Variants in ADAMTSL1 observed in about 807,000 individuals in gnomAD.
ADAMTSL1 encodes ADAMTS like 1, also known as ADAMTS-like protein 1.
A neutral mutation model predicts 201.8 loss-of-function variants in ADAMTSL1; 126 were observed. The observed-to-expected ratio is 0.62, with a 90% confidence interval of 0.54 to 0.72. ADAMTSL1 has a LOEUF of 0.72. Among genes scored for constraint, ADAMTSL1 ranks in the 30% least tolerant of loss-of-function variants. ADAMTSL1 has a pLI of 0.00. For missense variants in ADAMTSL1, 2,679 were observed against 2,277.8 expected, an observed-to-expected ratio of 1.18 and a Z score of -3.59; for synonymous variants, 1,121 against 903.4, an observed-to-expected ratio of 1.24 and a Z score of -4.32.
Position 18,265,092 on chromosome 9 carries a change from G to C in ADAMTSL1, c.207+101111G>C, listed in dbSNP as rs544756450. 2.0e-5 allele frequency among the ~76,000 whole-genome samples: 3 copies of C among 152,286 alleles called. No homozygotes were observed. The South Asian group carries it at 6.2e-4, about 32-fold the overall frequency. On this transcript the variant is annotated intron_variant, in intron 2 of 29. Transcript: ENST00000680146. ...CACAGGAATAGTATTTTCTAATAATGTTTTAGTAAAAGTGCTAACAAAAGG... is the reference window on the plus strand; with the variant it reads ...CACAGGAATAGTATTTTCTAATAATCTTTTAGTAAAAGTGCTAACAAAAGG...
intron 2 of ADAMTSL1, among the ~76,000 whole-genome samples, chr9:18,322,644 C>A (rs1834671818): frequency 6.6e-6 from 1 of 151,862 alleles, no homozygotes; most frequent in African/African-American, 2.4e-5. Context: ...TCAACAACAA[C>A]AACAACAAAA....
At chr9:18,682,863 T>A (rs1422736814) in intron 12 of ADAMTSL1, among the ~76,000 whole-genome samples, 3 of 152,152 alleles carry the variant, frequency 2.0e-5, no homozygotes, top group Non-Finnish European at 4.4e-5. Context: ...ACAGAAATCC[T>A]GATTAACTTT....
intron 19 of ADAMTSL1, among the ~76,000 whole-genome samples, chr9:18,789,883 T>C (rs1214948147): frequency 6.6e-6 from 1 of 152,190 alleles, no homozygotes; most frequent in Non-Finnish European, 1.5e-5. Flanking sequence ...GCTACTGTTC[T>C]ACAAAGAAAG....
chr9:18,689,129 G>C (rs1467189009), intron 13 of ADAMTSL1, among the ~76,000 whole-genome samples: 2 of 152,012 alleles, frequency 1.3e-5, no homozygotes, highest in Non-Finnish European at 2.9e-5. Context: ...GTGGGGAATT[G>C]GAACTACAAA....
At chr9:18,580,608 T>A (rs1564065607) in intron 4 of ADAMTSL1, among the ~76,000 whole-genome samples, 1 of 152,224 alleles carries the variant, frequency 6.6e-6, no homozygotes, top group Non-Finnish European at 1.5e-5. Context: ...CTGAATCTTG[T>A]TTATGCATTC....
chr9:18,541,075 T>C (rs1052522685), intron 3 of ADAMTSL1, among the ~76,000 whole-genome samples: 2 of 152,248 alleles, frequency 1.3e-5, no homozygotes, highest in Middle Eastern at 3.2e-3. Context: ...GCTCTCATGT[T>C]AAAGTCAGAT....
At chr9:18,346,944 G>A (rs887865445) in intron 2 of ADAMTSL1, among the ~76,000 whole-genome samples, 4 of 152,144 alleles carry the variant, frequency 2.6e-5, no homozygotes, top group Non-Finnish European at 5.9e-5. Flanking sequence ...TCCAGTAGAA[G>A]CAACTCTTTG....
chr9:18,520,565 T>G (rs1818631243), intron 2 of ADAMTSL1, among the ~76,000 whole-genome samples: 1 of 152,206 alleles, frequency 6.6e-6, no homozygotes, highest in South Asian at 2.1e-4. Context: ...CAGTTTAAAA[T>G]TGCTTTGAGA....
chr9:18,151,876 C>G (rs1245563370), intron 1 of ADAMTSL1, among the ~76,000 whole-genome samples: 1 of 151,924 alleles, frequency 6.6e-6, no homozygotes, highest in Non-Finnish European at 1.5e-5. Flanking sequence ...TCCCATATCC[C>G]CTTGCCAGTC....
chr9:18,404,886 A>G (rs1159335154), intron 2 of ADAMTSL1, among the ~76,000 whole-genome samples: 4 of 152,064 alleles, frequency 2.6e-5, no homozygotes, highest in Non-Finnish European at 5.9e-5. Flanking sequence ...TCCAGGTTGT[A>G]TCTTGTTGTT....
intron 2 of ADAMTSL1, among the ~76,000 whole-genome samples, chr9:18,288,554 G>T (rs1833116491): frequency 1.3e-5 from 2 of 152,190 alleles, no homozygotes; most frequent in East Asian, 3.9e-4. Context: ...GATTCTCTAA[G>T]TTCCCTTCAT....
chr9:18,779,539 AAC>A (rs1821262314), intron 19 of ADAMTSL1, among the ~76,000 whole-genome samples: 1 of 152,182 alleles, frequency 6.6e-6, no homozygotes, highest in Admixed American at 6.5e-5. Flanking sequence ...CCCACATAGA[AAC>A]ACTGGAAATG....
chr9:18,340,971 A>G (rs1173132856), intron 2 of ADAMTSL1, among the ~76,000 whole-genome samples: 1 of 152,102 alleles, frequency 6.6e-6, no homozygotes, highest in Non-Finnish European at 1.5e-5. Context: ...CACTACTGTC[A>G]TTAGCCTAGA....
intron 3 of ADAMTSL1, among the ~76,000 whole-genome samples, chr9:18,537,879 A>T (rs1438551425): frequency 2.5e-5 from 3 of 121,378 alleles, no homozygotes; most frequent in Middle Eastern, 3.9e-3. Context: ...GTCTCTATTT[A>T]AAAAAAAAAA....
At chr9:18,727,371 C>T (rs1208271473) in intron 15 of ADAMTSL1, among the ~76,000 whole-genome samples, 1 of 152,234 alleles carries the variant, frequency 6.6e-6, no homozygotes, top group Non-Finnish European at 1.5e-5. Context: ...TACACCAGAG[C>T]TCACTGGCAT....
chr9:18,736,664 T>A (rs2133518740), intron 15 of ADAMTSL1, among the ~76,000 whole-genome samples: 1 of 152,322 alleles, frequency 6.6e-6, no homozygotes, highest in East Asian at 1.9e-4. Context: ...CTTACTGCAG[T>A]TGTGTGTTTG....
At chr9:18,134,982 G>T (rs1231498715) in intron 1 of ADAMTSL1, among the ~76,000 whole-genome samples, 6 of 152,110 alleles carry the variant, frequency 3.9e-5, no homozygotes, top group Non-Finnish European at 8.8e-5. Flanking sequence ...AATTACACTG[G>T]TCTCTTCACT....
chr9:18,550,274 A>T (rs1473884252), intron 3 of ADAMTSL1, among the ~76,000 whole-genome samples: 1 of 151,686 alleles, frequency 6.6e-6, no homozygotes, highest in Non-Finnish European at 1.5e-5. Flanking sequence ...AGACCTTAAG[A>T]TCTTAAGGTT....
At chr9:17,946,122 T>G (rs975096358) in intron 1 of ADAMTSL1, among the ~76,000 whole-genome samples, 1 of 146,184 alleles carries the variant, frequency 6.8e-6, no homozygotes, top group Non-Finnish European at 1.5e-5. Context: ...ACAAACAGAA[T>G]TGAATGAAAT....
Sources: allele counts gnomAD v4.1 joint callset (sites outside exome capture counted in the v4.1 genomes callset), GRCh38; gene constraint gnomAD v4.1.1; transcripts MANE v1.5; gene names NCBI Gene and HGNC (gene_info 2026-07-23, HGNC 2026-07-21).